Variants in INTS9 observed in about 807,000 individuals in gnomAD.
INTS9 encodes protein related to CPSF subunits of 74 kDa.
In INTS9, 55 loss-of-function variants were observed where a neutral mutation model predicts 79.7. That is an observed-to-expected ratio of 0.69 (90% confidence interval 0.56 to 0.86). The LOEUF (loss-of-function observed/expected upper bound fraction) is 0.86. Ranked by LOEUF, INTS9 falls within the 40% of genes least tolerant of loss-of-function variation. The pLI, the probability that INTS9 is intolerant of heterozygous loss-of-function variation, is 0.00. For missense variants in INTS9, 721 were observed against 831.5 expected (o/e 0.87, Z 1.64); for synonymous variants, 319 against 325.2 (o/e 0.98, Z 0.20).
intron 4 of INTS9, among the ~76,000 whole-genome samples, chr8:28,845,297 T>C (rs1807442308): frequency 6.6e-6 from 1 of 152,236 alleles, no homozygotes; most frequent in Non-Finnish European, 1.5e-5. Flanking sequence ...CAGTGAAGAC[T>C]GGGCTATAAT....
At chr8:28,804,294 A>T (rs151146950) in intron 8 of INTS9, among the ~76,000 whole-genome samples, 237 of 152,330 alleles carry the variant, frequency 1.6e-3, no homozygotes, top group African/African-American at 5.2e-3. Context: ...AATTTGAGAA[A>T]CTAAATCAAA....
chr8:28,787,776 T>C, intron 11 of INTS9, 53 bp downstream of exon 11: 1 of 1,296,958 alleles, frequency 7.7e-7, no homozygotes, highest in South Asian at 1.2e-5. Context: ...TGCATCTGCA[T>C]CAGGTTATCC....
At chr8:28,845,569 A>T (rs1280976718) in intron 4 of INTS9, among the ~76,000 whole-genome samples, 2 of 152,232 alleles carry the variant, frequency 1.3e-5, no homozygotes, top group African/African-American at 4.8e-5. Flanking sequence ...CATAAATTCT[A>T]CAGTGGTGTC....
At chr8:28,880,394 G>A (rs1449305433) in intron 1 of INTS9, among the ~76,000 whole-genome samples, 3 of 151,816 alleles carry the variant, frequency 2.0e-5, no homozygotes, top group South Asian at 2.1e-4. Context: ...GAGTGCCTGC[G>A]ATTGCAGGCG....
intron 1 of INTS9, among the ~76,000 whole-genome samples, chr8:28,875,096 G>A (rs532341854): frequency 2.4e-4 from 36 of 152,166 alleles, no homozygotes; most frequent in African/African-American, 7.0e-4. Flanking sequence ...GGAAAGACCC[G>A]CCCCCATGAT....
At chr8:28,780,342 G>A (rs778007661) in intron 12 of INTS9, 189 of 977,778 alleles carry the variant, frequency 1.9e-4, no homozygotes, top group Middle Eastern at 5.2e-4. Context: ...GGCTGGGCAC[G>A]CTACACTGAT....
intron 1 of INTS9, among the ~76,000 whole-genome samples, chr8:28,887,974 G>A (rs1195560571): frequency 6.6e-6 from 1 of 152,182 alleles, no homozygotes; most frequent in Non-Finnish European, 1.5e-5. Context: ...TCACTAATGA[G>A]TTGTTATGGG....
chr8:28,882,493 A>C, intron 1 of INTS9, among the ~76,000 whole-genome samples: 1 of 144,322 alleles, frequency 6.9e-6, no homozygotes, highest in South Asian at 2.1e-4. Context: ...ATAAAATAAA[A>C]TAAAAAAAAA....
In INTS9 at chr8:28,836,766, T is replaced by C. The variant is rs1396312265; in HGVS notation, c.401+871A>G. ...TCACTTCGAGTGTTTTACTTTCCTATGAGAGCCCTTCCTCAGCTCCCTAAT... is the reference window on the plus strand; with the variant it reads ...TCACTTCGAGTGTTTTACTTTCCTACGAGAGCCCTTCCTCAGCTCCCTAAT... On this transcript the variant is annotated intron_variant, in intron 5 of 16. Coordinates refer to ENST00000521022, the MANE Select transcript of INTS9 (RefSeq NM_018250.4). Among the ~76,000 whole-genome samples the C allele has an allele frequency of 5.9e-5, 9 of 152,158 alleles. No homozygotes were observed. The East Asian group carries it at 1.5e-3, about 26-fold the overall frequency.
intron 1 of INTS9, among the ~76,000 whole-genome samples, chr8:28,875,298 T>A (rs1809320081): frequency 6.6e-6 from 1 of 151,636 alleles, no homozygotes; most frequent in East Asian, 1.9e-4. Flanking sequence ...GCAAAAAAAA[T>A]ACATAATAAA....
intron 6 of INTS9, among the ~76,000 whole-genome samples, chr8:28,816,564 T>C (rs1188489307): frequency 2.0e-5 from 3 of 149,788 alleles, no homozygotes; most frequent in East Asian, 3.9e-4. Context: ...TGTTGGACAT[T>C]TGGGTTGGTT....
chr8:28,841,028 T>C (rs1807153525), intron 4 of INTS9, among the ~76,000 whole-genome samples: 2 of 150,338 alleles, frequency 1.3e-5, no homozygotes, highest in African/African-American at 2.4e-5. Context: ...ATTCTGGCTA[T>C]GGGTATTTTC....
At chr8:28,876,023 C>T (rs983661056) in intron 1 of INTS9, among the ~76,000 whole-genome samples, 11 of 152,146 alleles carry the variant, frequency 7.2e-5, no homozygotes, top group African/African-American at 2.7e-4. Flanking sequence ...AAAAATAAGC[C>T]ACCACTTAGG....
chr8:28,773,659 A>G (rs1802703633), intron 14 of INTS9, among the ~76,000 whole-genome samples: 1 of 146,112 alleles, frequency 6.8e-6, no homozygotes, highest in African/African-American at 2.5e-5. Context: ...AGCTGCGATT[A>G]CAGGCGCCTG....
At chr8:28,833,660 A>C (rs1806635048) in intron 6 of INTS9, among the ~76,000 whole-genome samples, 2 of 151,268 alleles carry the variant, frequency 1.3e-5, no homozygotes, top group African/African-American at 2.4e-5. Flanking sequence ...CAAAAAAAAA[A>C]CAAAAGAAAA....
chr8:28,844,105 A>G (rs148885490), intron 4 of INTS9, among the ~76,000 whole-genome samples: 88 of 152,350 alleles, frequency 5.8e-4, no homozygotes, highest in African/African-American at 2.0e-3. Flanking sequence ...CAACAGCAAC[A>G]GGAGGTGGCT....
intron 1 of INTS9, among the ~76,000 whole-genome samples, chr8:28,873,262 TA>T (rs1396981074): frequency 1.3e-5 from 2 of 152,194 alleles, no homozygotes; most frequent in Non-Finnish European, 2.9e-5. Context: ...CTGAATTTCT[TA>T]AGGTTTCCTG....
At position 28,768,213 on chromosome 8, in the gene INTS9, CAGATGATATGGGTCG is replaced by C; in HGVS notation, c.1895_1909del (p.Ser632_Ile636del). The C allele has an allele frequency of 6.2e-7, 1 of 1,614,198 alleles. No homozygotes were observed. The highest frequency in any genetic ancestry group is 8.5e-7 in the Non-Finnish European group (1 of 1,180,042). ...CACTCTGAGCATCTCGTCATTGTCG[CAGATGATATGGGTCG>C]AGTCTTCTTCAATCTGGATGAGCGT... On this transcript the variant is annotated inframe_deletion, in exon 17 of 17. Coordinates refer to ENST00000521022, the MANE Select transcript of INTS9 (RefSeq NM_018250.4).
At chr8:28,818,588 A>C (rs1303729207) in intron 6 of INTS9, among the ~76,000 whole-genome samples, 2 of 151,600 alleles carry the variant, frequency 1.3e-5, no homozygotes, top group Non-Finnish European at 3.0e-5. Context: ...ATCAATGTTC[A>C]TCAAGGATAT....
Sources: allele counts gnomAD v4.1 joint callset (sites outside exome capture counted in the v4.1 genomes callset), GRCh38; gene constraint gnomAD v4.1.1; transcripts MANE v1.5; gene names NCBI Gene and HGNC (gene_info 2026-07-23, HGNC 2026-07-21).